RFX3: variants seen among roughly 807,000 people sequenced by gnomAD.
RFX3 encodes regulatory factor X3.
A neutral mutation model predicts 98.6 loss-of-function variants in RFX3; 14 were observed. That is an observed-to-expected ratio of 0.14 (90% CI 0.09 to 0.22). The LOEUF (loss-of-function observed/expected upper bound fraction) is 0.22. Ranked by LOEUF, RFX3 falls within the 10% of genes least tolerant of loss-of-function variation. The pLI is 1.00. For synonymous variants in RFX3, 383 were observed against 328.4 expected (o/e 1.17, Z -1.80); for missense variants, 639 against 926.9 (o/e 0.69, Z 4.03).
Position 3,330,281 on chromosome 9 carries a change from G to C in RFX3, c.452C>G (p.Thr151Arg), listed in dbSNP as rs777630923. Residue 151 changes from threonine to arginine, a missense_variant, in exon 4 of 17, where the codon ACA becomes AGA. Physicochemically the swap from Thr to Arg is moderately conservative, Grantham distance 71. Transcript: ENST00000617270. ...TACTGTCGCTGGGGAGGCCCGAGTTGTGTGTGTCACTGAGTGACCAGAATT... is the reference window on the plus strand; with the variant it reads ...TACTGTCGCTGGGGAGGCCCGAGTTCTGTGTGTCACTGAGTGACCAGAATT... ...MENSGHSVTH[T>R]TRASPATIEM... 6.2e-6 allele frequency: 10 copies of C among 1,614,088 alleles called. No individual in the cohort carries two copies. The highest frequency in any genetic ancestry group is 1.1e-5 in the South Asian group (1 of 91,084).
At chr9:3,436,532 GAATA>G (rs1350998533) in intron 1 of RFX3, among the ~76,000 whole-genome samples, 1 of 152,000 alleles carries the variant, frequency 6.6e-6, no homozygotes. Flanking sequence ...ACCTTAAAAT[GAATA>G]AATACTTCAG....
At chr9:3,378,524 C>T (rs1322463319) in intron 2 of RFX3, among the ~76,000 whole-genome samples, 1 of 147,982 alleles carries the variant, frequency 6.8e-6, no homozygotes, top group Non-Finnish European at 1.5e-5. Flanking sequence ...AATAAAAATT[C>T]TAACACTTCT....
At chr9:3,494,677 T>C (rs935955716) in intron 1 of RFX3, among the ~76,000 whole-genome samples, 55 of 152,196 alleles carry the variant, frequency 3.6e-4, no homozygotes, top group Non-Finnish European at 1.9e-4. Context: ...TGTTAATGTT[T>C]TTAAATTATA....
chr9:3,242,919 T>C (rs1300586048), intron 15 of RFX3, among the ~76,000 whole-genome samples: 1 of 151,942 alleles, frequency 6.6e-6, no homozygotes, highest in Non-Finnish European at 1.5e-5. Context: ...TTAAGTATAA[T>C]TAAATTATGA....
intron 9 of RFX3, among the ~76,000 whole-genome samples, chr9:3,272,312 G>A (rs1173449358): frequency 6.6e-6 from 1 of 152,094 alleles, no homozygotes; most frequent in Non-Finnish European, 1.5e-5. Context: ...AAAGAAATCA[G>A]GGGACAATCT....
chr9:3,468,817 A>AAAAAAAAAAAAAAAGAAAAAAG (rs1369757617), intron 1 of RFX3, among the ~76,000 whole-genome samples: 1 of 108,086 alleles, frequency 9.3e-6, no homozygotes, highest in East Asian at 8.9e-4. Context: ...TTCCTTTTGA[A>AAAAAAAAAAAAAAAGAAAAAAG]AAAAAAAAAA....
intron 5 of RFX3, among the ~76,000 whole-genome samples, chr9:3,294,389 G>A (rs1563876831): frequency 6.6e-6 from 1 of 152,164 alleles, no homozygotes; most frequent in East Asian, 1.9e-4. Flanking sequence ...ATAAATTATA[G>A]AAGCCAAAGA....
rs1564138830 is a variant in RFX3, at chr9:3,467,115, C to CATATATATAAGTATATATGTAT, written c.-9+58631_-9+58632insATACATATATACTTATATATAT. On this transcript the variant is annotated intron_variant, in intron 1 of 16. Coordinates refer to ENST00000617270, the MANE Select transcript of RFX3 (RefSeq NM_001282116.2). Reference sequence around the variant, plus strand: ...ATATATGTAAGTATATATGTATATACATACATATATGTAAGTATATATGTA... The same window carrying CATATATATAAGTATATATGTAT: ...ATATATGTAAGTATATATGTATATACATATATATAAGTATATATGTATATACATATATGTAAGTATATATGTA... Among the ~76,000 whole-genome samples, 18 of 133,732 alleles carry CATATATATAAGTATATATGTAT rather than the reference C, an allele frequency of 1.3e-4. 1 individual carries two copies. The highest frequency in any genetic ancestry group is 5.5e-4 in the African/African-American group (18 of 32,870). The allele number at this position is 133,732 out of a possible 152,430, so 87.7% of individuals were successfully genotyped here.
At chr9:3,504,168 T>A (rs1021362750) in intron 1 of RFX3, among the ~76,000 whole-genome samples, 1 of 97,760 alleles carries the variant, frequency 1.0e-5, no homozygotes, top group Non-Finnish European at 1.7e-5. Flanking sequence ...ATATTATATA[T>A]ATTATATATT....
chr9:3,508,525 A>T (rs1817337956), intron 1 of RFX3, among the ~76,000 whole-genome samples: 1 of 151,980 alleles, frequency 6.6e-6, no homozygotes, highest in Admixed American at 6.6e-5. Flanking sequence ...TAAATTTTAA[A>T]AAATGATAAA....
chr9:3,378,722 A>G (rs1460425751), intron 2 of RFX3, among the ~76,000 whole-genome samples: 1 of 151,486 alleles, frequency 6.6e-6, no homozygotes, highest in East Asian at 1.9e-4. Context: ...ATGCCCATCT[A>G]ATTTTGTGTT....
chr9:3,447,158 G>T (rs573997648), intron 1 of RFX3, among the ~76,000 whole-genome samples: 20 of 151,830 alleles, frequency 1.3e-4, no homozygotes, highest in Non-Finnish European at 2.5e-4. Flanking sequence ...CCTCATTATA[G>T]CAATAACATT....
In RFX3 at chr9:3,236,873, T is replaced by C. The variant is rs116559095; in HGVS notation, c.1969-7984A>G. Among the ~76,000 whole-genome samples the C allele has an allele frequency of 7.3e-3, 1,108 of 152,330 alleles. 21 individuals are homozygous for C. The highest frequency in any genetic ancestry group is 0.025 in the African/African-American group (1,057 of 41,582). On this transcript the variant is annotated intron_variant, in intron 15 of 16. Transcript: ENST00000617270. ...ACAAATGTAGGGGAGAAAATATGTA[T>C]TTGTATATGTATACATTTTGCCAGT... is the stretch of plus-strand genomic sequence containing the variant.
At chr9:3,404,105 C>T (rs1194572906) in intron 1 of RFX3, among the ~76,000 whole-genome samples, 1 of 151,878 alleles carries the variant, frequency 6.6e-6, no homozygotes, top group African/African-American at 2.4e-5. Context: ...AACAATATAC[C>T]CCATTTTAAA....
intron 2 of RFX3, among the ~76,000 whole-genome samples, chr9:3,361,526 C>T (rs1836434963): frequency 6.6e-6 from 1 of 151,894 alleles, no homozygotes; most frequent in African/African-American, 2.4e-5. Context: ...AGGCACCAGG[C>T]ACAATGGCTC....
rs372189473 is a variant in RFX3, at chr9:3,228,050, C to A, written c.2011+797G>T. Reference sequence around the variant, plus strand: ...CAATAACCGTAACAATTCTTTAACACCTCAAGAGACCTCCCACCCTCCGCC... The same window carrying A: ...CAATAACCGTAACAATTCTTTAACAACTCAAGAGACCTCCCACCCTCCGCC... On this transcript the variant is annotated intron_variant, in intron 16 of 16. Transcript: ENST00000617270. 2.8e-4 allele frequency among the ~76,000 whole-genome samples: 42 copies of A among 152,272 alleles called. No homozygotes were observed. The Middle Eastern group carries it at 0.01, about 37-fold the overall frequency.
intron 7 of RFX3, among the ~76,000 whole-genome samples, chr9:3,285,469 T>G (rs1392528826): frequency 6.6e-6 from 1 of 151,692 alleles, no homozygotes; most frequent in African/African-American, 2.4e-5. Flanking sequence ...GAAAAGAAAC[T>G]CCTTCTTTCC....
At chr9:3,303,614 T>G (rs1333472420) in intron 4 of RFX3, among the ~76,000 whole-genome samples, 1 of 151,782 alleles carries the variant, frequency 6.6e-6, no homozygotes, top group Non-Finnish European at 1.5e-5. Flanking sequence ...ATAAGCACTT[T>G]TCAGTTGGAT....
intron 14 of RFX3, among the ~76,000 whole-genome samples, chr9:3,255,206 A>G (rs568706680): frequency 1.3e-4 from 20 of 152,388 alleles, no homozygotes; most frequent in African/African-American, 4.8e-4. Context: ...AAAGTCACTT[A>G]TAATAAAACC....
Sources: gnomAD v4.1 joint callset for allele counts (sites outside exome capture counted in the v4.1 genomes callset) on GRCh38, gnomAD v4.1.1 for gene constraint, MANE v1.5 for transcripts, NCBI Gene and HGNC (gene_info 2026-07-23, HGNC 2026-07-21) for gene names.